Variants in ZFYVE28 observed in about 807,000 individuals in gnomAD.
ZFYVE28 encodes lateral signaling target protein 2 homolog.
In ZFYVE28, 40 loss-of-function variants were observed where a neutral mutation model predicts 82.1. That is an observed-to-expected ratio of 0.49 (90% CI 0.38 to 0.63). The LOEUF is 0.63. Among genes scored for constraint, ZFYVE28 ranks in the 30% least tolerant of loss-of-function variants. ZFYVE28 has a pLI of 0.00. For synonymous variants in ZFYVE28, 612 were observed against 546.1 expected (o/e 1.12, Z -1.68); for missense variants, 1,321 against 1,242.1 (o/e 1.06, Z -0.96).
chr4:2,401,715 G>A (rs1274690113), intron 1 of ZFYVE28, among the ~76,000 whole-genome samples: 8 of 152,046 alleles, frequency 5.3e-5, no homozygotes, highest in South Asian at 2.1e-4. Flanking sequence ...GCCCCGCACC[G>A]CAGTCCACCC....
intron 1 of ZFYVE28, among the ~76,000 whole-genome samples, chr4:2,360,032 A>G (rs1411386294): frequency 1.3e-5 from 2 of 152,070 alleles, no homozygotes; most frequent in East Asian, 3.9e-4. Flanking sequence ...GGCGTCTACA[A>G]CAACCTGCGA....
At chr4:2,272,769 G>A (rs1433336805) in intron 10 of ZFYVE28, among the ~76,000 whole-genome samples, 2 of 152,330 alleles carry the variant, frequency 1.3e-5, no homozygotes, top group Non-Finnish European at 2.9e-5. Flanking sequence ...CACCACGGCC[G>A]AGTCTCATCC....
chr4:2,410,454 CTTT>C (rs11358765), intron 1 of ZFYVE28, among the ~76,000 whole-genome samples: 3,108 of 119,326 alleles, frequency 0.026, 90 homozygotes, highest in African/African-American at 0.081. Flanking sequence ...TCCTCCCTTT[CTTT>C]TTTTTTTTTT....
chr4:2,387,056 T>TCCAGGGCCGGGGCCGGGGCCGGGG (rs761181680), intron 1 of ZFYVE28, among the ~76,000 whole-genome samples: 11 of 152,042 alleles, frequency 7.2e-5, no homozygotes, highest in African/African-American at 2.4e-4. Flanking sequence ...TGCAGGAGAC[T>TCCAGGGCCGGGGCCGGGGCCGGGG]CCGGGGCCGG....
chr4:2,338,003 G>A (rs1560232114), intron 4 of ZFYVE28, among the ~76,000 whole-genome samples: 1 of 152,188 alleles, frequency 6.6e-6, no homozygotes, highest in Admixed American at 6.5e-5. Flanking sequence ...AGTTGTGCCA[G>A]CTCCCAGGGC....
At chr4:2,279,576 G>A (rs374441328) in intron 8 of ZFYVE28, among the ~76,000 whole-genome samples, 18 of 152,054 alleles carry the variant, frequency 1.2e-4, no homozygotes, top group East Asian at 1.9e-4. Context: ...TCAGGAGATC[G>A]AGACCATCCT....
At chr4:2,371,607 C>T (rs1727561844) in intron 1 of ZFYVE28, among the ~76,000 whole-genome samples, 1 of 152,160 alleles carries the variant, frequency 6.6e-6, no homozygotes, top group Non-Finnish European at 1.5e-5. Flanking sequence ...ATAGTATCTG[C>T]AGAAAAGTAA....
intron 1 of ZFYVE28, among the ~76,000 whole-genome samples, chr4:2,392,768 ATTC>A (rs562217032): frequency 1.6e-3 from 240 of 152,296 alleles, no homozygotes; most frequent in Non-Finnish European, 2.4e-3. Flanking sequence ...CGTTCTCTTC[ATTC>A]TTCTGTCAAA....
intron 1 of ZFYVE28, among the ~76,000 whole-genome samples, chr4:2,414,197 G>A (rs1048270451): frequency 6.6e-6 from 1 of 152,240 alleles, no homozygotes; most frequent in Non-Finnish European, 1.5e-5. Flanking sequence ...AAACCCTCAG[G>A]TGACTGAGGC....
At chr4:2,322,350 C>A (rs1719212635) in intron 6 of ZFYVE28, among the ~76,000 whole-genome samples, 1 of 152,214 alleles carries the variant, frequency 6.6e-6, no homozygotes, top group Non-Finnish European at 1.5e-5. Context: ...TCCAATGCAG[C>A]CGCTGCCCAT....
chr4:2,296,680 A>G (rs1048936122), intron 8 of ZFYVE28, among the ~76,000 whole-genome samples: 1 of 152,062 alleles, frequency 6.6e-6, no homozygotes, highest in Non-Finnish European at 1.5e-5. Context: ...GTCTGGGGGA[A>G]ATGGCAGCCG....
rs1293781338 is a variant in ZFYVE28, at chr4:2,334,909, T to C, written c.701+796A>G. ...ACTAAGCTCTCTGTGGTCCACTCACTCCTCCGCCCCCGTGACCATCCGCCT... is the reference window on the plus strand; with the variant it reads ...ACTAAGCTCTCTGTGGTCCACTCACCCCTCCGCCCCCGTGACCATCCGCCT... On this transcript the variant is annotated intron_variant, in intron 6 of 12. Coordinates refer to ENST00000290974, the MANE Select transcript of ZFYVE28 (RefSeq NM_020972.3). 1.0e-4 allele frequency among the ~76,000 whole-genome samples: 14 copies of C among 133,794 alleles called. 1 individual carries two copies. Among genetic ancestry groups the C allele is most frequent in the Middle Eastern group, 3.6e-3 (1 of 276 alleles). 87.8% of individuals were successfully genotyped at this position (133,794 alleles called of 152,430 possible). A position where few individuals can be genotyped will look rare whatever the true frequency, so the allele number is the denominator to read the frequency against.
intron 2 of ZFYVE28, among the ~76,000 whole-genome samples, chr4:2,346,199 G>A (rs61789444): frequency 0.045 from 6,848 of 150,696 alleles, 234 homozygotes; most frequent in South Asian, 0.079. Flanking sequence ...AAAATTAGCC[G>A]GGCGTGGTGG....
intron 1 of ZFYVE28, among the ~76,000 whole-genome samples, chr4:2,367,058 T>G (rs897342068): frequency 2.6e-5 from 4 of 152,100 alleles, no homozygotes; most frequent in African/African-American, 9.7e-5. Context: ...CTGCAGAAAA[T>G]TTAACCACGG....
At chr4:2,349,415 C>T (rs1724038019) in intron 2 of ZFYVE28, among the ~76,000 whole-genome samples, 1 of 151,424 alleles carries the variant, frequency 6.6e-6, no homozygotes, top group Non-Finnish European at 1.5e-5. Context: ...ATACCTAATG[C>T]TAGATGATGA....
intron 7 of ZFYVE28, among the ~76,000 whole-genome samples, chr4:2,311,052 T>C (rs1178173345): frequency 1.3e-5 from 2 of 152,246 alleles, no homozygotes; most frequent in Non-Finnish European, 2.9e-5. Context: ...ATTTGTCCAA[T>C]GCAAATTGTC....
intron 6 of ZFYVE28, among the ~76,000 whole-genome samples, chr4:2,333,489 CAG>C (rs1721058948): frequency 6.6e-6 from 1 of 151,884 alleles, no homozygotes; most frequent in South Asian, 2.1e-4. Flanking sequence ...ACACGGGCAG[CAG>C]ACTCAGTGTG....
At chr4:2,282,637 G>C (rs1300950407) in intron 8 of ZFYVE28, among the ~76,000 whole-genome samples, 1 of 152,230 alleles carries the variant, frequency 6.6e-6, no homozygotes, top group Non-Finnish European at 1.5e-5. Context: ...AATTTAGCAA[G>C]TGAGTATGCA....
chr4:2,301,913 C>A (rs991191933), intron 8 of ZFYVE28, among the ~76,000 whole-genome samples: 3 of 152,158 alleles, frequency 2.0e-5, no homozygotes, highest in East Asian at 3.9e-4. Context: ...GCTGTTCGCG[C>A]GAGGCTGTTC....
Sources: allele counts gnomAD v4.1 joint callset (sites outside exome capture counted in the v4.1 genomes callset), GRCh38; gene constraint gnomAD v4.1.1; transcripts MANE v1.5; gene names NCBI Gene and HGNC (gene_info 2026-07-23, HGNC 2026-07-21).